Variants in ENOX2 observed in about 807,000 individuals in gnomAD.
ENOX2 encodes the protein ecto-NOX disulfide-thiol exchanger 2.
A neutral mutation model predicts 45.0 loss-of-function variants in ENOX2; 36 were observed. That is an observed-to-expected ratio of 0.80 (90% CI 0.61 to 1.06). The LOEUF (loss-of-function observed/expected upper bound fraction) is 1.06. ENOX2 is among the 50% of genes least tolerant of loss of function. ENOX2 has a pLI of 0.00. For synonymous variants in ENOX2, 174 were observed against 152.3 expected (o/e 1.14, Z -1.05); for missense variants, 423 against 462.5 (o/e 0.91, Z 0.78).
chrX:130,898,473 C>A (rs2079093672), intron 2 of ENOX2, among the ~76,000 whole-genome samples: 1 of 110,983 alleles, frequency 9.0e-6, no homozygotes, highest in Non-Finnish European at 1.9e-5. Flanking sequence ...TATGCCTACA[C>A]AGATGTGTGT....
chrX:130,879,955 C>T (rs898963720), intron 2 of ENOX2, among the ~76,000 whole-genome samples: 5 of 111,772 alleles, frequency 4.5e-5, no homozygotes, highest in Admixed American at 3.8e-4. Context: ...ACTGTAGCTG[C>T]GATACTGTCT....
chrX:130,838,446 G>A (rs943542658), intron 2 of ENOX2, among the ~76,000 whole-genome samples: 3 of 111,954 alleles, frequency 2.7e-5, no homozygotes, highest in Non-Finnish European at 5.6e-5. Flanking sequence ...TGTACAGGGT[G>A]GCTGTGAGAA....
chrX:130,850,776 T>C (rs1384101000), intron 2 of ENOX2, among the ~76,000 whole-genome samples: 3 of 112,399 alleles, frequency 2.7e-5, no homozygotes, highest in Non-Finnish European at 5.6e-5. Flanking sequence ...AGTAGGTAAA[T>C]CAAGTTAAAA....
At chrX:130,846,901 T>C (rs1368948963) in intron 2 of ENOX2, among the ~76,000 whole-genome samples, 2 of 112,201 alleles carry the variant, frequency 1.8e-5, no homozygotes, top group Non-Finnish European at 3.8e-5. Flanking sequence ...AGCAGAAAGC[T>C]GAAACTATGT....
chrX:130,757,156 C>A (rs1164290107), intron 3 of ENOX2, among the ~76,000 whole-genome samples: 1 of 111,892 alleles, frequency 8.9e-6, no homozygotes, highest in Non-Finnish European at 1.9e-5. Flanking sequence ...AATGTGGCAA[C>A]ATATATTTAT....
chrX:130,655,481 G>C (rs774681024), intron 10 of ENOX2, among the ~76,000 whole-genome samples: 1 of 111,206 alleles, frequency 9.0e-6, no homozygotes, highest in African/African-American at 3.3e-5. Flanking sequence ...CTCTCTCTCT[G>C]TCTCTTTTAC....
At chrX:130,754,422 T>C (rs2039301443) in intron 3 of ENOX2, among the ~76,000 whole-genome samples, 1 of 111,462 alleles carries the variant, frequency 9.0e-6, no homozygotes, top group Admixed American at 9.5e-5. Context: ...CACTGTCACT[T>C]AGTTGTCCAC....
chrX:130,860,450 T>C (rs1197879681), intron 2 of ENOX2, among the ~76,000 whole-genome samples: 1 of 111,570 alleles, frequency 9.0e-6, no homozygotes, highest in Non-Finnish European at 1.9e-5. Context: ...ACATTTCCAC[T>C]TCGATGTCTA....
chrX:130,715,226 T>C (rs1259904419), intron 3 of ENOX2, among the ~76,000 whole-genome samples: 4 of 110,948 alleles, frequency 3.6e-5, no homozygotes, highest in Non-Finnish European at 7.5e-5. Context: ...TCTAAGTTGG[T>C]GGGGGTAGGG....
Position 130,703,166 on chromosome X carries a change from A to G in ENOX2, c.51T>C (p.Asn17=). Residue 17 remains asparagine, a synonymous_variant, in exon 4 of 15, where the codon AAT becomes AAC. Transcript: ENST00000394363. ...CAATTCCCAGCGGTGCCATTCCAAG[A>G]TTATTCATTGCTGTGGCCCATGCAG... ...DPTAWATAMN[N]LGMAPLGIAG... is the part of the protein sequence containing the mutation. The G allele has an allele frequency of 8.3e-7, 1 of 1,209,341 alleles. No individual in the cohort carries two copies. The highest frequency in any genetic ancestry group is 1.1e-6 in the Non-Finnish European group (1 of 893,711).
intron 2 of ENOX2, among the ~76,000 whole-genome samples, chrX:130,867,102 AAAAC>A (rs1201948690): frequency 1.8e-5 from 2 of 111,881 alleles, no homozygotes; most frequent in Non-Finnish European, 3.8e-5. Flanking sequence ...ACTATTTTCT[AAAAC>A]AAATTAAAAT....
chrX:130,848,333 CAG>C (rs1209076281), intron 2 of ENOX2, among the ~76,000 whole-genome samples: 2 of 111,270 alleles, frequency 1.8e-5, no homozygotes, highest in African/African-American at 3.3e-5. Context: ...AAAAAAAAAG[CAG>C]AGAGTAAAAG....
rs2036228835 is a variant in ENOX2 at position 130,646,148 on chromosome X, A to T, written c.1130-8738T>A. On this transcript the variant is annotated intron_variant, in intron 10 of 14. Transcript: ENST00000394363. ...CCCAGCAAGCAACTTCTCCTGGAGC[A>T]CTTCCTCAATCAAGCAGCTGTGGCA... is the stretch of plus-strand genomic sequence containing the variant. The T allele has an allele frequency of 3.9e-5, 20 of 512,073 alleles. No homozygotes were observed. The Admixed American group carries it at 4.8e-4, about 12-fold the overall frequency. 42.2% of individuals were successfully genotyped at this position (512,073 alleles called of 1,213,427 possible).
At chrX:130,627,572 C>T (rs989679843) in intron 14 of ENOX2, among the ~76,000 whole-genome samples, 2 of 110,922 alleles carry the variant, frequency 1.8e-5, no homozygotes, top group African/African-American at 3.3e-5. Context: ...CAGAGTGAGA[C>T]CCTGTCTCAA....
chrX:130,865,216 T>G (rs2078476227), intron 2 of ENOX2, among the ~76,000 whole-genome samples: 2 of 111,463 alleles, frequency 1.8e-5, no homozygotes, highest in Admixed American at 1.9e-4. Context: ...CAATACTGTT[T>G]GCACCATACA....
At chrX:130,780,160 G>T (rs1415064354) in intron 3 of ENOX2, among the ~76,000 whole-genome samples, 2 of 110,913 alleles carry the variant, frequency 1.8e-5, no homozygotes, top group Non-Finnish European at 3.8e-5. Context: ...TTGGGGAGTA[G>T]CAGAAAAAAA....
At chrX:130,742,245 CTTTTTTTTT>C (rs67776619) in intron 3 of ENOX2, among the ~76,000 whole-genome samples, 8 of 60,171 alleles carry the variant, frequency 1.3e-4, no homozygotes, top group African/African-American at 4.9e-4. Context: ...AGATAATTTC[CTTTTTTTTT>C]TTTTTTTTTT....
At chrX:130,709,169 G>A (rs1434062760) in intron 3 of ENOX2, 5 of 902,518 alleles carry the variant, frequency 5.5e-6, no homozygotes, top group Non-Finnish European at 6.5e-6. Context: ...CTAGCTCAAA[G>A]TAGGTGCCAA....
rs1382813418 is a variant in ENOX2, at chrX:130,744,880, G to A, written c.-39+38667C>T. On this transcript the variant is annotated intron_variant, in intron 3 of 14. Coordinates refer to ENST00000394363, the MANE Select transcript of ENOX2 (RefSeq NM_006375.4). ...GAGTGAGCATTACAGCCTGAGCTCCGTCTCCTGTCAGAGCAGCAACAACAT... is the reference window on the plus strand; with the variant it reads ...GAGTGAGCATTACAGCCTGAGCTCCATCTCCTGTCAGAGCAGCAACAACAT... Among the ~76,000 whole-genome samples the A allele has an allele frequency of 4.5e-5, 5 of 111,368 alleles. No individual in the cohort carries two copies. The South Asian group carries it at 1.2e-3, about 26-fold the overall frequency.
Sources: gnomAD v4.1 joint callset for allele counts (sites outside exome capture counted in the v4.1 genomes callset) on GRCh38, gnomAD v4.1.1 for gene constraint, MANE v1.5 for transcripts, NCBI Gene and HGNC (gene_info 2026-07-23, HGNC 2026-07-21) for gene names.